CREBRF: variants seen among roughly 807,000 people sequenced by gnomAD.
CREBRF encodes the protein CREB3 regulatory factor.
Under a neutral mutation model 66.1 loss-of-function variants are expected in CREBRF, and 5 were observed. The observed-to-expected ratio is 0.08, with a 90% confidence interval of 0.04 to 0.16. The LOEUF (loss-of-function observed/expected upper bound fraction) is 0.16. CREBRF is among the 10% of genes least tolerant of loss of function. CREBRF has a pLI of 1.00. For synonymous variants in CREBRF, 229 were observed against 264.4 expected (o/e 0.87, Z 1.30); for missense variants, 531 against 744.9 (o/e 0.71, Z 3.34).
rs866678652 is a variant in CREBRF, at chr5:173,135,357, A to G, written c.*1612A>G. The G allele has an allele frequency of 1.3e-5, 2 of 152,590 alleles. No homozygotes were observed. Among genetic ancestry groups the G allele is most frequent in the Middle Eastern group, 3.4e-3 (1 of 294 alleles). The allele number at this position is 152,590 out of a possible 1,614,324, so 9.5% of individuals were successfully genotyped here. ...CTCATATAAAACAGCTTCATTAGTC[A>G]GTGTTTTAACTGTGTTCAAGCTTTA... On this transcript the variant is annotated 3_prime_UTR_variant, in exon 9 of 9. Coordinates refer to ENST00000296953, the MANE Select transcript of CREBRF (RefSeq NM_153607.3).
At chr5:173,107,278 G>C (rs1173505010) in intron 4 of CREBRF, among the ~76,000 whole-genome samples, 1 of 152,136 alleles carries the variant, frequency 6.6e-6, no homozygotes, top group East Asian at 1.9e-4. Context: ...AAGTTTTCCT[G>C]GTTACCTTAG....
chr5:173,086,034 C>G (rs1758134800), intron 2 of CREBRF: 6 of 1,185,960 alleles, frequency 5.1e-6, no homozygotes, highest in Admixed American at 1.7e-5. Context: ...TAATCCTTTG[C>G]CCTGCAGTAT....
At chr5:173,126,680 G>C (rs1478985107) in intron 8 of CREBRF, among the ~76,000 whole-genome samples, 1 of 151,830 alleles carries the variant, frequency 6.6e-6, no homozygotes, top group Non-Finnish European at 1.5e-5. Flanking sequence ...ATTTTTTTTT[G>C]TTCTCATGTC....
intron 1 of CREBRF, among the ~76,000 whole-genome samples, chr5:173,067,639 G>T (rs763342250): frequency 6.6e-6 from 1 of 152,146 alleles, no homozygotes; most frequent in Non-Finnish European, 1.5e-5. Context: ...ATTTGCAACT[G>T]AACACAACTG....
intron 7 of CREBRF, among the ~76,000 whole-genome samples, chr5:173,121,621 C>G (rs1305970933): frequency 6.6e-6 from 1 of 152,076 alleles, no homozygotes; most frequent in Non-Finnish European, 1.5e-5. Context: ...CACGCCTGGC[C>G]TTAACTTGCT....
intron 5 of CREBRF, 134 bp from the exon 6 acceptor site, chr5:173,110,388 A>G (rs771747909): frequency 4.1e-6 from 3 of 739,828 alleles, no homozygotes; most frequent in South Asian, 2.9e-5. Flanking sequence ...TAAACATGCT[A>G]AGACTTCTGA....
intron 7 of CREBRF, among the ~76,000 whole-genome samples, chr5:173,113,472 T>A (rs1758914811): frequency 1.3e-5 from 2 of 152,076 alleles, no homozygotes; most frequent in African/African-American, 4.8e-5. Context: ...CACACCTTGC[T>A]AATTTTTGTA....
chr5:173,096,412 TTTCCCTTCCC>T (rs1172700121), intron 4 of CREBRF, among the ~76,000 whole-genome samples: 14 of 147,122 alleles, frequency 9.5e-5, no homozygotes, highest in East Asian at 2.0e-4. Context: ...TCTCTTTCCT[TTTCCCTTCCC>T]TTCCCTTCCC....
chr5:173,057,015 A>AG lies in CREBRF; in HGVS notation c.-192+542dup, dbSNP rs914062343. 1.5e-3 allele frequency among the ~76,000 whole-genome samples: 207 copies of AG among 140,886 alleles called. 1 individual carries two copies. The highest frequency in any genetic ancestry group is 2.5e-3 in the Non-Finnish European group (158 of 64,370). The allele number at this position is 140,886 out of a possible 152,430, so 92.4% of individuals were successfully genotyped here. ...AGACGAAGAGGCGCGGGCTGGGGCT[A>AG]GGGGGGTCCGAGCAGGGCGTCTCGG... On this transcript the variant is annotated intron_variant, in intron 1 of 8. Transcript: ENST00000296953.
intron 4 of CREBRF, among the ~76,000 whole-genome samples, chr5:173,105,999 A>G (rs1426166545): frequency 6.6e-6 from 1 of 152,236 alleles, no homozygotes; most frequent in African/African-American, 2.4e-5. Context: ...TAACTAGAAC[A>G]AAATAAATCC....
rs781220978 is a variant in CREBRF at position 173,090,710 on chromosome 5, C to A, written c.531C>A (p.Ile177=). The change falls in exon 4 of 9, where the codon ATC becomes ATA. Residue 177 remains isoleucine (I), a synonymous_variant. Coordinates refer to ENST00000296953, the MANE Select transcript of CREBRF (RefSeq NM_153607.3). The surrounding 1 kb of genome is among the most constrained non-coding windows in gnomAD (Gnocchi z 4.5). ...PLPSSFPGKK[I]TSRAAAPVCS... is the part of the protein sequence containing the mutation. ...CCTCTTCATTCCCTGGTAAAAAGAT[C>A]ACAAGCAGAGCAGCTGCTCCTGTGT... is the stretch of plus-strand genomic sequence containing the variant. 4.3e-6 allele frequency: 7 copies of A among 1,614,018 alleles called. No individual in the cohort carries two copies. The highest frequency in any genetic ancestry group is 5.1e-6 in the Non-Finnish European group (6 of 1,180,016).
rs145353424 is a variant in CREBRF at position 173,096,358 on chromosome 5, CTTT to C, written c.1222+4958_1222+4960del. Among the ~76,000 whole-genome samples, 1,292 of 152,048 alleles carry C rather than the reference CTTT, an allele frequency of 8.5e-3. 24 individuals are homozygous for C. Among genetic ancestry groups the C allele is most frequent in the African/African-American group, 0.03 (1,227 of 41,472 alleles). On this transcript the variant is annotated intron_variant, in intron 4 of 8. Transcript: ENST00000296953. ...TTTTCCTATTTGGATGCCTTTCCTT[CTTT>C]GTTTTCTTTCTTCCCCTGCCTCCCT... is the stretch of plus-strand genomic sequence containing the variant.
chr5:173,133,352 T>G (rs1759518287), intron 8 of CREBRF, among the ~76,000 whole-genome samples: 1 of 152,196 alleles, frequency 6.6e-6, no homozygotes, highest in African/African-American at 2.4e-5. Context: ...TTTGGACTGT[T>G]ATTTGGACTG....
At chr5:173,119,263 A>G (rs412975) in intron 7 of CREBRF, among the ~76,000 whole-genome samples, 100,717 of 152,104 alleles carry the variant, frequency 0.66, 33,875 homozygotes, top group African/African-American at 0.72. Context: ...AGATCTATTT[A>G]GAGAGAATTA....
At chr5:173,132,886 C>T (rs1172725166) in intron 8 of CREBRF, among the ~76,000 whole-genome samples, 1 of 151,438 alleles carries the variant, frequency 6.6e-6, no homozygotes, top group Non-Finnish European at 1.5e-5. Flanking sequence ...CCGCCTGCCT[C>T]AGCCTCCCAA....
At chr5:173,106,183 G>A (rs990244663) in intron 4 of CREBRF, among the ~76,000 whole-genome samples, 59 of 150,094 alleles carry the variant, frequency 3.9e-4, no homozygotes, top group Non-Finnish European at 7.3e-4. Flanking sequence ...TAATCCCAGC[G>A]CTTTGGGAGG....
chr5:173,131,797 A>G (rs536368087), intron 8 of CREBRF, among the ~76,000 whole-genome samples: 60 of 152,020 alleles, frequency 3.9e-4, no homozygotes, highest in African/African-American at 1.4e-3. Context: ...CAGTAGTGCA[A>G]TCTCAGCTCA....
chr5:173,112,476 C>T, intron 7 of CREBRF, 97 bp downstream of exon 7: 1 of 842,476 alleles, frequency 1.2e-6, no homozygotes, highest in African/African-American at 1.8e-5. Context: ...CTGTATTCTG[C>T]CTAGTTTTTG....
intron 1 of CREBRF, among the ~76,000 whole-genome samples, chr5:173,061,346 G>T (rs1315264467): frequency 6.6e-6 from 1 of 152,224 alleles, no homozygotes; most frequent in Non-Finnish European, 1.5e-5. Context: ...TTGAGCATTT[G>T]CAGATTGTAC....
Sources: gnomAD v4.1 joint callset for allele counts (sites outside exome capture counted in the v4.1 genomes callset) on GRCh38, gnomAD v4.1.1 for gene constraint, Gnocchi (gnomAD v3.1) non-coding constraint, MANE v1.5 for transcripts, NCBI Gene and HGNC (gene_info 2026-07-23, HGNC 2026-07-21) for gene names.